Variants in SPMIP2 observed in about 807,000 individuals in gnomAD.
SPMIP2 encodes sperm microtubule inner protein 2, also known as protein SPMIP2.
the SPMIP2 span, among the ~76,000 whole-genome samples, chr4:158,903,209 G>A: frequency 3.9e-5 from 6 of 152,208 alleles, no homozygotes; most frequent in South Asian, 4.1e-4. Context: ...AGTTCCTCAC[G>A]GCTTCCCTTG....
At chr4:158,940,931 C>A in the SPMIP2 span, among the ~76,000 whole-genome samples, 1 of 152,182 alleles carries the variant, frequency 6.6e-6, no homozygotes, top group Non-Finnish European at 1.5e-5. Flanking sequence ...TTTCTTGCTA[C>A]CTGATATGGC....
At chr4:159,040,204 C>T in the SPMIP2 span, among the ~76,000 whole-genome samples, 4 of 152,192 alleles carry the variant, frequency 2.6e-5, no homozygotes, top group African/African-American at 9.6e-5. Flanking sequence ...CGGAGTCTCG[C>T]TCTGTTGCCC....
the SPMIP2 span, among the ~76,000 whole-genome samples, chr4:159,057,257 C>G: frequency 6.6e-6 from 1 of 152,224 alleles, no homozygotes; most frequent in African/African-American, 2.4e-5. Context: ...AGGCAAGGAA[C>G]AGTAGCTCTC....
chr4:158,996,787 A>G, the SPMIP2 span, among the ~76,000 whole-genome samples: 16 of 152,276 alleles, frequency 1.1e-4, no homozygotes, highest in African/African-American at 3.9e-4. Flanking sequence ...TGTATGTTTA[A>G]TCAGCAGGGA....
chr4:159,075,803 T>TA, the SPMIP2 span, among the ~76,000 whole-genome samples: 8 of 151,796 alleles, frequency 5.3e-5, no homozygotes, highest in East Asian at 7.7e-4. Flanking sequence ...TTTTTTTTTT[T>TA]AAATTCTGAA....
chr4:158,936,165 T>C, the SPMIP2 span, among the ~76,000 whole-genome samples: 1 of 152,212 alleles, frequency 6.6e-6, no homozygotes, highest in African/African-American at 2.4e-5. Context: ...TTCTGGAGAT[T>C]CTCTGGTTGA....
At chr4:159,035,984 T>C in the SPMIP2 span, among the ~76,000 whole-genome samples, 1 of 152,256 alleles carries the variant, frequency 6.6e-6, no homozygotes. Flanking sequence ...AAAGTATACT[T>C]ATTTATATTT....
At chr4:159,065,133 C>A in the SPMIP2 span, among the ~76,000 whole-genome samples, 1 of 152,178 alleles carries the variant, frequency 6.6e-6, no homozygotes, top group African/African-American at 2.4e-5. Context: ...TTTTGAAAGA[C>A]CCTTGAGCAA....
the SPMIP2 span, chr4:158,907,066 C>T: frequency 6.6e-6 from 1 of 152,116 alleles, no homozygotes; most frequent in African/African-American, 2.4e-5. Context: ...CTTGCTTTTC[C>T]AAGCAAGCTA....
chr4:158,937,226 T>C, the SPMIP2 span, among the ~76,000 whole-genome samples: 1 of 152,210 alleles, frequency 6.6e-6, no homozygotes, highest in African/African-American at 2.4e-5. Context: ...GGATCAACAG[T>C]TGTCATGGAG....
chr4:158,946,878 C>T, the SPMIP2 span, among the ~76,000 whole-genome samples: 1 of 152,330 alleles, frequency 6.6e-6, no homozygotes, highest in Non-Finnish European at 1.5e-5. Context: ...AATCCCAGGC[C>T]TAGCACAGTG....
chr4:158,955,606 A>C, the SPMIP2 span, among the ~76,000 whole-genome samples: 7 of 152,088 alleles, frequency 4.6e-5, no homozygotes, highest in Admixed American at 1.3e-4. Context: ...GGATTTCACT[A>C]CTTTGGCCAG....
chr4:159,021,856 T>C, the SPMIP2 span, among the ~76,000 whole-genome samples: 1 of 152,200 alleles, frequency 6.6e-6, no homozygotes, highest in Non-Finnish European at 1.5e-5. Flanking sequence ...GTGCATATCC[T>C]GGTGAGGGGT....
chr4:158,894,116 A>G, the SPMIP2 span, among the ~76,000 whole-genome samples: 1 of 152,136 alleles, frequency 6.6e-6, no homozygotes, highest in South Asian at 2.1e-4. Flanking sequence ...AGAGGAGTTT[A>G]AAAAGCCCCC....
chr4:158,980,712 C>A, the SPMIP2 span, among the ~76,000 whole-genome samples: 1 of 152,194 alleles, frequency 6.6e-6, no homozygotes, highest in Non-Finnish European at 1.5e-5. Context: ...AGGTCACCAA[C>A]ATCAAAGAAC....
chr4:158,941,760 T>A, the SPMIP2 span, among the ~76,000 whole-genome samples: 1 of 152,222 alleles, frequency 6.6e-6, no homozygotes, highest in East Asian at 1.9e-4. Context: ...ATGTGGCTTT[T>A]TAAAGAAAGT....
the SPMIP2 span, among the ~76,000 whole-genome samples, chr4:158,920,304 T>C: frequency 6.6e-6 from 1 of 152,048 alleles, no homozygotes; most frequent in East Asian, 1.9e-4. Context: ...AAGAACAGAA[T>C]AACAGCAATT....
chr4:159,040,462 C>T, the SPMIP2 span, among the ~76,000 whole-genome samples: 1,475 of 150,900 alleles, frequency 9.8e-3, 15 homozygotes, highest in African/African-American at 0.034. Context: ...TGAGCCACTG[C>T]GCCCGGTCTG....
the SPMIP2 span, among the ~76,000 whole-genome samples, chr4:158,942,824 A>T: frequency 2.6e-5 from 4 of 152,170 alleles, no homozygotes; most frequent in African/African-American, 9.7e-5. Flanking sequence ...GGTAATCCCT[A>T]AATGTTGGTT....
Sources: allele counts gnomAD v4.1 joint callset (sites outside exome capture counted in the v4.1 genomes callset), GRCh38; gene constraint gnomAD v4.1.1; transcripts MANE v1.5; gene names NCBI Gene and HGNC (gene_info 2026-07-23, HGNC 2026-07-21).